SLC30A3: variants seen among roughly 807,000 people sequenced by gnomAD.
The protein encoded by SLC30A3 is solute carrier family 30 member 3.
A neutral mutation model predicts 35.6 loss-of-function variants in SLC30A3; 20 were observed. The ratio of observed to expected loss-of-function variants is 0.56; its 90% CI spans 0.39 to 0.82. The LOEUF is 0.82. SLC30A3 is among the 40% of genes least tolerant of loss of function. The pLI is 0.00. For missense variants in SLC30A3, 401 were observed against 530.6 expected (o/e 0.76, Z 2.40); for synonymous variants, 217 against 224.7 (o/e 0.97, Z 0.31).
upstream of SLC30A3, chr2:27,264,148 G>C: frequency 2.0e-6 from 2 of 1,007,622 alleles, no homozygotes; most frequent in Non-Finnish European, 2.7e-6. The surrounding 1 kb of genome is among the most constrained non-coding windows in gnomAD (Gnocchi z 6.1). Flanking sequence ...GTGAAGAGGA[G>C]GGTCCGTAGG....
In SLC30A3 at chr2:27,258,736, G is replaced by A. The variant is rs2148125147; in HGVS notation, c.277+17C>T. 6.2e-7 allele frequency: 1 copy of A among 1,613,598 alleles called. No individual in the cohort carries two copies. The highest frequency in any genetic ancestry group is 2.2e-5 in the East Asian group (1 of 44,874). ...GGTATTTGGAGAATGGGGTTTAAGGGCTGCTCCCCAACTTACCGACCACCT... is the reference window on the plus strand; with the variant it reads ...GGTATTTGGAGAATGGGGTTTAAGGACTGCTCCCCAACTTACCGACCACCT... On this transcript the variant is annotated intron_variant, in intron 2 of 7. Transcript: ENST00000233535. The surrounding 1 kb of genome is among the most constrained non-coding windows in gnomAD (Gnocchi z 4.0).
intron 7 of SLC30A3, 40 bp downstream of exon 7, chr2:27,256,346 A>G (rs1572467307): frequency 6.2e-7 from 1 of 1,607,716 alleles, no homozygotes; most frequent in Non-Finnish European, 8.5e-7. Flanking sequence ...GGGGTGGGGT[A>G]TGTTCCAGGT....
In SLC30A3 at chr2:27,254,961, T is replaced by G; in HGVS notation, c.*351A>C. On this transcript the variant is annotated 3_prime_UTR_variant, in exon 8 of 8. Transcript: ENST00000233535. The stretch of plus-strand genomic sequence containing the variant: ...GGCAGATGCCCCCAGCCAGCCAGCC[T>G]GCCACACAGACAAATGGACTGCAGG... The G allele has an allele frequency of 1.2e-6, 1 of 840,980 alleles. No individual in the cohort carries two copies. The highest frequency in any genetic ancestry group is 1.6e-6 in the Non-Finnish European group (1 of 618,608). 52.1% of individuals were successfully genotyped at this position (840,980 alleles called of 1,614,324 possible).
At chr2:27,265,421 G>A (rs1005101554), upstream of SLC30A3, among the ~76,000 whole-genome samples, 1 of 152,270 alleles carries the variant, frequency 6.6e-6, no homozygotes, top group African/African-American at 2.4e-5. This position sits in a 1 kb window ranked among gnomAD's most constrained non-coding sequence, Gnocchi z 5.9. Flanking sequence ...AAATGGCCCT[G>A]TGAACATCTT....
chr2:27,272,354 CG>C (rs1341399725), intron 1 of SLC30A3, among the ~76,000 whole-genome samples: 1 of 152,170 alleles, frequency 6.6e-6, no homozygotes, highest in Non-Finnish European at 1.5e-5. Context: ...GATCAGCAGA[CG>C]GCCCTCAGCT....
chr2:27,256,906 A>T lies in SLC30A3; in HGVS notation c.778-13T>A. On this transcript the variant is annotated splice_polypyrimidine_tract_variant and intron_variant, in intron 5 of 7. Transcript: ENST00000233535. The stretch of plus-strand genomic sequence containing the variant: ...CCTTGTATTGAGGCTGCAGAGAAAG[A>T]GACCCCTAAGCCCAACAACCAGGGA... The T allele has an allele frequency of 6.3e-7, 1 of 1,579,422 alleles. No individual in the cohort carries two copies. The highest frequency in any genetic ancestry group is 8.7e-7 in the Non-Finnish European group (1 of 1,154,274).
rs1194325927 is a variant in SLC30A3, at chr2:27,254,194, A to G, written c.*1118T>C. On this transcript the variant is annotated 3_prime_UTR_variant, in exon 8 of 8. Transcript: ENST00000233535. ...TGAGAACCAAGCCCACATCAGTGCTATGGTCTAGCCATTCTCCCTCAAAGG... is the reference window on the plus strand; with the variant it reads ...TGAGAACCAAGCCCACATCAGTGCTGTGGTCTAGCCATTCTCCCTCAAAGG... The G allele has an allele frequency of 2.0e-5, 3 of 152,216 alleles. No individual in the cohort carries two copies. The highest frequency in any genetic ancestry group is 4.8e-5 in the African/African-American group (2 of 41,432). The allele number at this position is 152,216 out of a possible 1,614,324, so 9.4% of individuals were successfully genotyped here.
Position 27,254,672 on chromosome 2 carries a change from C to G in SLC30A3, c.*640G>C, listed in dbSNP as rs1676733212. 1 of 162,526 alleles carries G rather than the reference C, an allele frequency of 6.2e-6. No individual in the cohort carries two copies. Among genetic ancestry groups the G allele is most frequent in the Admixed American group, 6.0e-5 (1 of 16,796 alleles). The allele number at this position is 162,526 out of a possible 1,614,324, so 10.1% of individuals were successfully genotyped here. A position where few individuals can be genotyped will look rare whatever the true frequency, so the allele number is the denominator to read the frequency against. On this transcript the variant is annotated 3_prime_UTR_variant, in exon 8 of 8. Coordinates refer to ENST00000233535, the MANE Select transcript of SLC30A3 (RefSeq NM_003459.5). ...CCAACAGAGGGATGGAGAGATAGAC[C>G]CCCAAACAGACACATGGATGGAGCA... is the stretch of plus-strand genomic sequence containing the variant.
At chr2:27,261,225 G>A (rs987057705) in intron 1 of SLC30A3, among the ~76,000 whole-genome samples, 2 of 152,178 alleles carry the variant, frequency 1.3e-5, no homozygotes, top group Non-Finnish European at 2.9e-5. Context: ...GGAACATAAA[G>A]GGAGATACAC....
In SLC30A3 at chr2:27,254,872, C is replaced by T. The variant is rs369454779; in HGVS notation, c.*440G>A. 5.8e-6 allele frequency: 2 copies of T among 343,734 alleles called. No individual in the cohort carries two copies. Among genetic ancestry groups the T allele is most frequent in the Non-Finnish European group, 5.5e-6 (1 of 180,268 alleles). 21.3% of individuals were successfully genotyped at this position (343,734 alleles called of 1,614,324 possible). A position where few individuals can be genotyped will look rare whatever the true frequency, so the allele number is the denominator to read the frequency against. On this transcript the variant is annotated 3_prime_UTR_variant, in exon 8 of 8. Transcript: ENST00000233535. ...GGCCCCTGCATAGACAGAGCGAGGG[C>T]CATGTGGGGAGGGGGCCCCTACTGA...
Position 27,255,077 on chromosome 2 carries a change from G to GC in SLC30A3, c.*234dup, listed in dbSNP as rs1469762324. The GC allele has an allele frequency of 4.8e-6, 7 of 1,469,132 alleles. No individual in the cohort carries two copies. In the East Asian group the frequency reaches 1.6e-4, roughly 33 times the overall value. 91.0% of individuals were successfully genotyped at this position (1,469,132 alleles called of 1,614,324 possible). Reference sequence around the variant, plus strand: ...GCCACACTGAGGCCTGGGAGTCCCCGCCCCTGAACTAGTCACATCTATTCC... The same window carrying GC: ...GCCACACTGAGGCCTGGGAGTCCCCGCCCCCTGAACTAGTCACATCTATTCC... On this transcript the variant is annotated 3_prime_UTR_variant, in exon 8 of 8. Coordinates refer to ENST00000233535, the MANE Select transcript of SLC30A3 (RefSeq NM_003459.5). This position sits in a 1 kb window ranked among gnomAD's most constrained non-coding sequence, Gnocchi z 5.2.
chr2:27,257,229 C>T lies in SLC30A3; in HGVS notation c.702G>A (p.Ala234=), dbSNP rs114763573. The T allele has an allele frequency of 1.0e-4, 165 of 1,614,046 alleles. No individual in the cohort carries two copies. The African/African-American group carries it at 1.5e-3, about 14-fold the overall frequency. ...PLPLGNTSVR[A]AFVHVLGDLL... ...GGTCCCCCAGCACGTGCACAAATGC[C>T]GCCCGGACGCTGGTGTTCCCCAGGG... The change falls in exon 5 of 8, where the codon GCG becomes GCA. Residue 234 remains alanine (A), a synonymous_variant. Transcript: ENST00000233535. This position sits in a 1 kb window ranked among gnomAD's most constrained non-coding sequence, Gnocchi z 4.7.
At chr2:27,273,888 TG>T (rs1677852503) in intron 1 of SLC30A3, among the ~76,000 whole-genome samples, 1 of 152,106 alleles carries the variant, frequency 6.6e-6, no homozygotes, top group African/African-American at 2.4e-5. Flanking sequence ...CATGAAAGCT[TG>T]GGGGTTAAAG....
Position 27,258,508 on chromosome 2 carries a change from A to G in SLC30A3, c.278-201T>C. 1 of 663,552 alleles carries G rather than the reference A, an allele frequency of 1.5e-6. No homozygotes were observed. The highest frequency in any genetic ancestry group is 1.8e-5 in the African/African-American group (1 of 54,644). 41.1% of individuals were successfully genotyped at this position (663,552 alleles called of 1,614,324 possible). On this transcript the variant is annotated intron_variant, in intron 2 of 7. Coordinates refer to ENST00000233535, the MANE Select transcript of SLC30A3 (RefSeq NM_003459.5). This position sits in a 1 kb window ranked among gnomAD's most constrained non-coding sequence, Gnocchi z 4.0. The stretch of plus-strand genomic sequence containing the variant: ...TTTATTTTCTACAATGATTTATTTT[A>G]ATAACAAGAAAATAGGGTTTTTAAA...
intron 1 of SLC30A3, among the ~76,000 whole-genome samples, chr2:27,259,874 G>GT (rs1376299831): frequency 1.3e-5 from 2 of 152,170 alleles, no homozygotes; most frequent in Non-Finnish European, 2.9e-5. Flanking sequence ...GGTGGCCACT[G>GT]TCATTAGGGC....
upstream of SLC30A3, chr2:27,275,432 T>G: frequency 2.8e-6 from 1 of 360,050 alleles, no homozygotes; most frequent in Non-Finnish European, 5.5e-6. Flanking sequence ...AAAAACGACC[T>G]GCCCAGACCC....
Position 27,258,074 on chromosome 2 carries a change from G to A in SLC30A3, c.425-16C>T, listed in dbSNP as rs755297203. 3 of 1,613,402 alleles carry A rather than the reference G, an allele frequency of 1.9e-6. No homozygotes were observed. Among genetic ancestry groups the A allele is most frequent in the East Asian group, 2.2e-5 (1 of 44,858 alleles). On this transcript the variant is annotated splice_polypyrimidine_tract_variant and intron_variant, in intron 3 of 7. Transcript: ENST00000233535. The surrounding 1 kb of genome is among the most constrained non-coding windows in gnomAD (Gnocchi z 4.0). ...CCCAGAGTCTCTGCGGGTGGGGGGG[G>A]AGACAAGCTGTCAGAGACCTGCTTG...
At position 27,258,768 on chromosome 2, in the gene SLC30A3, C is replaced by A. The variant is rs1677018214; in HGVS notation, c.262G>T (p.Ala88Ser). The stretch of plus-strand genomic sequence containing the variant: ...CCCAACTTACCGACCACCTCCCCAG[C>A]CATGAAGACAAAGCAAACGGCACAG... ...AACAVCFVFM[A>S]GEVVGGYLAH... is the part of the protein sequence containing the mutation. The change falls in exon 2 of 8, where the codon GCT (alanine) becomes TCT (serine). Residue 88 changes from alanine to serine, a missense_variant. Transcript: ENST00000233535. This position sits in a 1 kb window ranked among gnomAD's most constrained non-coding sequence, Gnocchi z 4.0. 7 of 1,614,190 alleles carry A rather than the reference C, an allele frequency of 4.3e-6. No individual in the cohort carries two copies. In the African/African-American group the frequency reaches 8.0e-5, roughly 18 times the overall value.
chr2:27,265,184 G>A (rs182363414), upstream of SLC30A3, among the ~76,000 whole-genome samples: 777 of 152,360 alleles, frequency 5.1e-3, 3 homozygotes, highest in African/African-American at 0.018. This position sits in a 1 kb window ranked among gnomAD's most constrained non-coding sequence, Gnocchi z 5.9. Flanking sequence ...GCGGCCAGCA[G>A]CACCGAGTGC....
Sources: gnomAD v4.1 joint callset for allele counts (sites outside exome capture counted in the v4.1 genomes callset) on GRCh38, gnomAD v4.1.1 for gene constraint, Gnocchi (gnomAD v3.1) non-coding constraint, MANE v1.5 for transcripts, NCBI Gene and HGNC (gene_info 2026-07-23, HGNC 2026-07-21) for gene names.